Variants in AASS observed in about 807,000 individuals in gnomAD.
AASS encodes aminoadipate-semialdehyde synthase, also known as alpha-aminoadipic semialdehyde synthase, mitochondrial.
A neutral mutation model predicts 105.4 loss-of-function variants in AASS; 86 were observed. That is an observed-to-expected ratio of 0.82 (90% CI 0.69 to 0.98). AASS has a LOEUF of 0.98. AASS is among the 50% of genes least tolerant of loss of function. The probability of loss-of-function intolerance (pLI) is 0.00; values close to 1 mark genes in which losing one functional copy is unlikely to be tolerated. For synonymous variants in AASS, 381 were observed against 394.8 expected, an observed-to-expected ratio of 0.96 and a Z score of 0.41; for missense variants, 1,048 against 1,143.2, an observed-to-expected ratio of 0.92 and a Z score of 1.20.
intron 13 of AASS, among the ~76,000 whole-genome samples, chr7:122,100,199 A>G (rs1045518429): frequency 6.6e-6 from 1 of 151,904 alleles, no homozygotes; most frequent in Non-Finnish European, 1.5e-5. Flanking sequence ...TAGCAATCGG[A>G]GCCAAGTAAA....
intron 1 of AASS, among the ~76,000 whole-genome samples, chr7:122,138,605 G>T (rs1796256399): frequency 6.6e-6 from 1 of 152,170 alleles, no homozygotes; most frequent in African/African-American, 2.4e-5. Context: ...TATGTACTGA[G>T]ACAGGAAGAT....
chr7:122,116,792 G>C (rs762928537), intron 7 of AASS, 32 bp from the exon 8 acceptor site: 4 of 1,613,608 alleles, frequency 2.5e-6, no homozygotes, highest in Non-Finnish European at 3.4e-6. Flanking sequence ...AGTAAAGTGG[G>C]TGACAAATAA....
rs1792926093 is a variant in AASS at position 122,074,840 on chromosome 7, A to G, written c.*1649T>C. Among the ~76,000 whole-genome samples the G allele has an allele frequency of 6.6e-6, 1 of 151,798 alleles. No homozygotes were observed. Among genetic ancestry groups the G allele is most frequent in the South Asian group, 2.1e-4 (1 of 4,782 alleles). On this transcript the variant is annotated 3_prime_UTR_variant, in exon 24 of 24. Coordinates refer to ENST00000417368, the MANE Select transcript of AASS (RefSeq NM_005763.4). The stretch of plus-strand genomic sequence containing the variant: ...TTATATTGGTATTTTACTCTTTCTG[A>G]TGCTGTCAATTTTTTTCTTTTCTTT...
intron 4 of AASS, among the ~76,000 whole-genome samples, chr7:122,121,449 T>C (rs796560879): frequency 2.0e-5 from 3 of 152,190 alleles, no homozygotes; most frequent in African/African-American, 7.2e-5. Flanking sequence ...GGCTGGAGTG[T>C]AGTGGCATGA....
rs138433311 is a variant in AASS, at chr7:122,108,574, T to C, written c.1278+4544A>G. ...TTGACAGAATGAAGGACAAAAACCA[T>C]ATGATTATTCCAACAGAAACAGAAA... On this transcript the variant is annotated intron_variant, in intron 11 of 23. Coordinates refer to ENST00000417368, the MANE Select transcript of AASS (RefSeq NM_005763.4). Among the ~76,000 whole-genome samples, 57 of 152,090 alleles carry C rather than the reference T, an allele frequency of 3.7e-4. No individual in the cohort carries two copies. In the East Asian group the frequency reaches 0.01, roughly 27 times the overall value.
intron 15 of AASS, among the ~76,000 whole-genome samples, chr7:122,096,396 G>T (rs1484029859): frequency 6.6e-6 from 1 of 152,030 alleles, no homozygotes; most frequent in Non-Finnish European, 1.5e-5. Context: ...ACTTTGAGAG[G>T]CTGAGGCAAG....
chr7:122,089,978 A>G (rs1793818163), intron 18 of AASS, among the ~76,000 whole-genome samples: 1 of 152,218 alleles, frequency 6.6e-6, no homozygotes, highest in Non-Finnish European at 1.5e-5. Flanking sequence ...ATGCAATAGG[A>G]GATAGGCTGT....
chr7:122,078,618 A>G (rs548295669), intron 22 of AASS, among the ~76,000 whole-genome samples: 1 of 152,210 alleles, frequency 6.6e-6, no homozygotes, highest in Non-Finnish European at 1.5e-5. Flanking sequence ...TCAAAAAATA[A>G]CTAACTAACT....
intron 18 of AASS, 103 bp from the exon 19 acceptor site, chr7:122,086,282 A>T (rs1265010133): frequency 8.7e-7 from 1 of 1,153,016 alleles, no homozygotes; most frequent in Non-Finnish European, 1.2e-6. Context: ...TTTGAAAAAA[A>T]AAATAAAAAT....
intron 4 of AASS, among the ~76,000 whole-genome samples, chr7:122,124,638 T>C (rs779427438): frequency 1.2e-4 from 19 of 152,090 alleles, no homozygotes; most frequent in Non-Finnish European, 2.4e-4. Context: ...TTTACTTGCT[T>C]GAATGCTTCT....
At chr7:122,092,505 A>G (rs1468876934) in intron 17 of AASS, among the ~76,000 whole-genome samples, 1 of 152,072 alleles carries the variant, frequency 6.6e-6, no homozygotes, top group African/African-American at 2.4e-5. Context: ...GGGGCAGATG[A>G]CCTGAGGTCA....
chr7:122,085,756 C>T (rs1272346490), intron 19 of AASS, among the ~76,000 whole-genome samples: 1 of 152,076 alleles, frequency 6.6e-6, no homozygotes, highest in Non-Finnish European at 1.5e-5. Context: ...GAAGTCAGGT[C>T]CTGGGGAAGT....
Position 122,081,627 on chromosome 7 carries a change from A to AT in AASS, c.2185-33dup, listed in dbSNP as rs780765810. On this transcript the variant is annotated intron_variant, in intron 19 of 23. Coordinates refer to ENST00000417368, the MANE Select transcript of AASS (RefSeq NM_005763.4). ...CAAGAATTAATAAGCAGTATATAAA[A>AT]TTTTTCTCTTCCAATGAAAAAACTT... 7 of 1,507,846 alleles carry AT rather than the reference A, an allele frequency of 4.6e-6. No individual in the cohort carries two copies. The East Asian group carries it at 1.6e-4, about 34-fold the overall frequency. 93.4% of individuals were successfully genotyped at this position (1,507,846 alleles called of 1,614,324 possible).
rs184147122 is a variant in AASS at position 122,082,711 on chromosome 7, G to A, written c.2185-1116C>T. ...ATGCGTCACCACTGACGACTAAACT[G>A]TAGTAGAGTATTATATTAATAGGTG... On this transcript the variant is annotated intron_variant, in intron 19 of 23. Transcript: ENST00000417368. The A allele has an allele frequency of 1.7e-5, 13 of 764,128 alleles. No individual in the cohort carries two copies. The African/African-American group carries it at 2.2e-4, about 13-fold the overall frequency. 47.3% of individuals were successfully genotyped at this position (764,128 alleles called of 1,614,324 possible).
At chr7:122,079,881 G>A (rs1360914736) in intron 20 of AASS, among the ~76,000 whole-genome samples, 169 bp from the exon 21 acceptor site, 19 of 151,948 alleles carry the variant, frequency 1.3e-4, no homozygotes. Flanking sequence ...ACACACATCT[G>A]CATACCTACA....
rs1359568955 is a variant in AASS, at chr7:122,092,897, CA to C, written c.1820del (p.Leu607ArgfsTer5). ...TTGTTTCCATTGCTAACATGTGATC[CA>C]GACCAGGGTCCAATCCCAATTCACC... ...IIGELGLDPG[L>X]DHMLAMETID... On this transcript the variant is annotated frameshift_variant, in exon 17 of 24. Coordinates refer to ENST00000417368, the MANE Select transcript of AASS (RefSeq NM_005763.4). LOFTEE classifies it high-confidence loss of function. 1.4e-5 allele frequency: 23 copies of C among 1,613,768 alleles called. No homozygotes were observed. Among genetic ancestry groups the C allele is most frequent in the Non-Finnish European group, 1.9e-5 (22 of 1,179,916 alleles).
intron 11 of AASS, among the ~76,000 whole-genome samples, chr7:122,104,389 A>C (rs552559372): frequency 4.1e-4 from 62 of 152,264 alleles, no homozygotes; most frequent in African/African-American, 1.3e-3. Flanking sequence ...TGATGTCAGA[A>C]GTTCAAGACC....
intron 15 of AASS, among the ~76,000 whole-genome samples, chr7:122,094,203 C>T (rs776007631): frequency 6.6e-6 from 1 of 152,074 alleles, no homozygotes; most frequent in African/African-American, 2.4e-5. Context: ...ACACAATATA[C>T]CTTTGTAATA....
chr7:122,120,477 T>C (rs796507277), intron 4 of AASS, among the ~76,000 whole-genome samples: 14 of 152,178 alleles, frequency 9.2e-5, no homozygotes, highest in African/African-American at 3.4e-4. Flanking sequence ...AGATGTTAAT[T>C]AATTTTATTG....
Sources: allele counts gnomAD v4.1 joint callset (sites outside exome capture counted in the v4.1 genomes callset), GRCh38; gene constraint gnomAD v4.1.1; transcripts MANE v1.5; gene names NCBI Gene and HGNC (gene_info 2026-07-23, HGNC 2026-07-21).